Variants in LHFPL3 observed in about 807,000 individuals in gnomAD.
LHFPL3 encodes the protein LHFPL tetraspan subfamily member 3 protein.
A neutral mutation model predicts 19.3 loss-of-function variants in LHFPL3; 5 were observed. The ratio of observed to expected loss-of-function variants is 0.26; its 90% CI spans 0.14 to 0.54. The LOEUF (loss-of-function observed/expected upper bound fraction) is 0.54, where lower values mean the gene tolerates loss of function less well. LHFPL3 is among the 20% of genes least tolerant of loss of function. The pLI is 0.94. For missense variants in LHFPL3, 249 were observed against 307.4 expected, an observed-to-expected ratio of 0.81 and a Z score of 1.42; for synonymous variants, 133 against 126.2, an observed-to-expected ratio of 1.05 and a Z score of -0.36.
chr7:104,675,058 C>T (rs896143329), intron 1 of LHFPL3, among the ~76,000 whole-genome samples: 1 of 152,150 alleles, frequency 6.6e-6, no homozygotes, highest in Non-Finnish European at 1.5e-5. Context: ...TAAGCAAATT[C>T]TTAAAGTAAG....
At chr7:104,861,464 GGAGAA>G in intron 2 of LHFPL3, among the ~76,000 whole-genome samples, 1 of 152,160 alleles carries the variant, frequency 6.6e-6, no homozygotes, top group Non-Finnish European at 1.5e-5. Context: ...AGGATAGTTG[GGAGAA>G]GCAGCTATTT....
intron 2 of LHFPL3, among the ~76,000 whole-genome samples, chr7:104,769,526 G>C (rs1362903129): frequency 6.6e-6 from 1 of 152,036 alleles, no homozygotes; most frequent in Non-Finnish European, 1.5e-5. Context: ...TGTTACATAG[G>C]TATACACGTG....
chr7:104,755,052 C>T (rs1052182287), intron 2 of LHFPL3, among the ~76,000 whole-genome samples: 2 of 152,152 alleles, frequency 1.3e-5, no homozygotes, highest in African/African-American at 4.8e-5. Context: ...CCCCAATATT[C>T]AGTGGCTTAA....
At chr7:104,330,959 G>A (rs1488726617) in intron 1 of LHFPL3, among the ~76,000 whole-genome samples, 3 of 152,166 alleles carry the variant, frequency 2.0e-5, no homozygotes, top group Non-Finnish European at 4.4e-5. Flanking sequence ...GACCTATTTA[G>A]ACAGGTGATT....
intron 1 of LHFPL3, among the ~76,000 whole-genome samples, chr7:104,476,450 TC>T (rs1387235989): frequency 3.0e-4 from 35 of 117,936 alleles, no homozygotes; most frequent in African/African-American, 1.2e-3. Flanking sequence ...TTAGCTTCCC[TC>T]TTTTTTTTTT....
intron 1 of LHFPL3, among the ~76,000 whole-genome samples, chr7:104,448,340 C>T (rs752151878): frequency 1.2e-4 from 19 of 152,158 alleles, no homozygotes; most frequent in Admixed American, 8.5e-4. Flanking sequence ...CAAGGTCTTA[C>T]TCTAGCAGGT....
chr7:104,906,290 C>T lies in LHFPL3; in HGVS notation c.*75C>T. On this transcript the variant is annotated 3_prime_UTR_variant, in exon 3 of 3. Transcript: ENST00000424859. ...GAATCGAATAACAGCTTTTGTACAT[C>T]AACATCAAGAAGGAATACGCCTGAG... The T allele has an allele frequency of 6.7e-7, 1 of 1,492,514 alleles. No individual in the cohort carries two copies. Among genetic ancestry groups the T allele is most frequent in the Non-Finnish European group, 9.2e-7 (1 of 1,087,730 alleles). 92.5% of individuals were successfully genotyped at this position (1,492,514 alleles called of 1,614,324 possible). A position where few individuals can be genotyped will look rare whatever the true frequency, so the allele number is the denominator to read the frequency against.
At chr7:104,786,196 G>T (rs1278354801) in intron 2 of LHFPL3, among the ~76,000 whole-genome samples, 1 of 152,170 alleles carries the variant, frequency 6.6e-6, no homozygotes, top group Non-Finnish European at 1.5e-5. Flanking sequence ...GGTCCAACCA[G>T]CTTAGCCACT....
intron 2 of LHFPL3, among the ~76,000 whole-genome samples, chr7:104,883,014 A>C (rs552961285): frequency 6.6e-6 from 1 of 152,354 alleles, no homozygotes; most frequent in African/African-American, 2.4e-5. Flanking sequence ...ACTTATACTA[A>C]AAAACTGTCA....
chr7:104,899,104 A>AATAT (rs34311079), intron 2 of LHFPL3, among the ~76,000 whole-genome samples: 3,308 of 148,566 alleles, frequency 0.022, 106 homozygotes, highest in African/African-American at 0.077. Context: ...CCCCATCTCT[A>AATAT]ATATATATAT....
intron 1 of LHFPL3, among the ~76,000 whole-genome samples, chr7:104,494,849 T>A (rs1187586985): frequency 6.6e-6 from 1 of 152,064 alleles, no homozygotes; most frequent in Non-Finnish European, 1.5e-5. Context: ...TGGGTGGCCT[T>A]CATGCTTCAC....
chr7:104,421,547 G>T (rs185053557), intron 1 of LHFPL3, among the ~76,000 whole-genome samples: 1 of 152,304 alleles, frequency 6.6e-6, no homozygotes, highest in Admixed American at 6.5e-5. Context: ...GCAGCATCTT[G>T]AACTGGAGGA....
intron 2 of LHFPL3, among the ~76,000 whole-genome samples, chr7:104,787,972 A>G (rs1016754129): frequency 6.6e-6 from 1 of 152,224 alleles, no homozygotes; most frequent in Non-Finnish European, 1.5e-5. Flanking sequence ...GCTTGGAGAG[A>G]CACAAACATT....
intron 1 of LHFPL3, among the ~76,000 whole-genome samples, chr7:104,537,617 A>G (rs560251731): frequency 6.6e-6 from 1 of 152,304 alleles, no homozygotes; most frequent in African/African-American, 2.4e-5. Flanking sequence ...GATAATCAAT[A>G]AAGAGTAACA....
chr7:104,530,167 G>A (rs1364606464), intron 1 of LHFPL3, among the ~76,000 whole-genome samples: 3 of 152,210 alleles, frequency 2.0e-5, no homozygotes, highest in Admixed American at 6.5e-5. Flanking sequence ...CAGTATGATT[G>A]CAACTCAGAG....
chr7:104,667,703 G>T, intron 1 of LHFPL3: 2 of 1,355,014 alleles, frequency 1.5e-6, no homozygotes, highest in South Asian at 1.2e-5. Context: ...TTACAACTTA[G>T]AGGAGTACTT....
At chr7:104,329,462 C>T (rs1801529922) in intron 1 of LHFPL3, among the ~76,000 whole-genome samples, 1 of 152,242 alleles carries the variant, frequency 6.6e-6, no homozygotes, top group African/African-American at 2.4e-5. Flanking sequence ...GTGGGGGACG[C>T]CCACTCAGAG....
At chr7:104,832,275 AT>A (rs1415038184) in intron 2 of LHFPL3, among the ~76,000 whole-genome samples, 1 of 151,944 alleles carries the variant, frequency 6.6e-6, no homozygotes, top group Admixed American at 6.5e-5. Context: ...CTATCAGACA[AT>A]ATTAATATCC....
intron 1 of LHFPL3, among the ~76,000 whole-genome samples, chr7:104,517,613 C>T (rs1023645057): frequency 2.7e-5 from 4 of 149,918 alleles, no homozygotes; most frequent in African/African-American, 4.9e-5. Flanking sequence ...TTCAAGCGAT[C>T]TTCCTGCCTC....
Sources: allele counts gnomAD v4.1 joint callset (sites outside exome capture counted in the v4.1 genomes callset), GRCh38; gene constraint gnomAD v4.1.1; transcripts MANE v1.5; gene names NCBI Gene and HGNC (gene_info 2026-07-23, HGNC 2026-07-21).